The following DNAJC10 variants were observed in gnomAD, a reference collection of about 807,000 sequenced individuals.
DNAJC10 encodes endoplasmic reticulum disulfide reductase DNAJC10.
Under a neutral mutation model 115.0 loss-of-function variants are expected in DNAJC10, and 101 were observed. The observed-to-expected ratio is 0.88, with a 90% CI of 0.75 to 1.04. The LOEUF is 1.04. Among genes scored for constraint, DNAJC10 ranks in the 50% least tolerant of loss-of-function variants. The pLI, the probability that DNAJC10 is intolerant of heterozygous loss-of-function variation, is 0.00. For missense variants in DNAJC10, 981 were observed against 928.8 expected, an observed-to-expected ratio of 1.06 and a Z score of -0.73; for synonymous variants, 307 against 301.5, an observed-to-expected ratio of 1.02 and a Z score of -0.19.
chr2:182,777,619 C>G lies in DNAJC10; in HGVS notation c.*487C>G, dbSNP rs1694742855. On this transcript the variant is annotated 3_prime_UTR_variant, in exon 24 of 24. Transcript: ENST00000264065. Reference sequence around the variant, plus strand: ...CTTTCCCTTCACGTTTTTTGGCTGACCTGAAAAGAGGTAACTTAGTTTTTG... The same window carrying G: ...CTTTCCCTTCACGTTTTTTGGCTGAGCTGAAAAGAGGTAACTTAGTTTTTG... 3 of 152,104 alleles carry G rather than the reference C, an allele frequency of 2.0e-5. No individual in the cohort carries two copies. The allele number at this position is 152,104 out of a possible 1,614,324, so 9.4% of individuals were successfully genotyped here. A position where few individuals can be genotyped will look rare whatever the true frequency, so the allele number is the denominator to read the frequency against.
rs1219651175 is a variant in DNAJC10, at chr2:182,717,068, C to A, written c.-151C>A. ...TATTAGAAATGAGCTGAAGACCATT[C>A]ACAGGTAAAGAGAAAAATTTTTAAA... On this transcript the variant is annotated 5_prime_UTR_variant, in exon 2 of 24. Transcript: ENST00000264065. 6.6e-6 allele frequency: 1 copy of A among 152,116 alleles called. No homozygotes were observed. Among genetic ancestry groups the A allele is most frequent in the East Asian group, 1.9e-4 (1 of 5,196 alleles). The allele number at this position is 152,116 out of a possible 1,614,324, so 9.4% of individuals were successfully genotyped here.
intron 23 of DNAJC10, 122 bp downstream of exon 23, chr2:182,775,542 G>A: frequency 1.7e-6 from 1 of 582,846 alleles, no homozygotes; most frequent in Non-Finnish European, 3.1e-6. Context: ...TAGTAAGATA[G>A]CTGAAAATTC....
chr2:182,729,118 A>C, intron 7 of DNAJC10, 124 bp downstream of exon 7: 24 of 959,944 alleles, frequency 2.5e-5, no homozygotes, highest in Non-Finnish European at 2.9e-5. Context: ...GTGCCATCTC[A>C]CTAGTCTTCT....
intron 5 of DNAJC10, among the ~76,000 whole-genome samples, chr2:182,723,252 G>T (rs1002875828): frequency 1.2e-4 from 18 of 152,026 alleles, no homozygotes; most frequent in Admixed American, 7.2e-4. Context: ...CACCATGTTG[G>T]CCAGGCTGAT....
At chr2:182,736,823 C>T (rs1019891912) in intron 11 of DNAJC10, among the ~76,000 whole-genome samples, 3 of 152,224 alleles carry the variant, frequency 2.0e-5, no homozygotes, top group East Asian at 1.9e-4. Flanking sequence ...GATCTCGGCT[C>T]GGTGCAACCT....
intron 10 of DNAJC10, among the ~76,000 whole-genome samples, chr2:182,734,437 A>G (rs1354622949): frequency 3.3e-5 from 5 of 151,744 alleles, no homozygotes; most frequent in Non-Finnish European, 5.9e-5. Flanking sequence ...ACTGTGGATA[A>G]TGAACATGGA....
intron 2 of DNAJC10, among the ~76,000 whole-genome samples, chr2:182,717,731 C>T (rs903785772): frequency 1.3e-5 from 2 of 152,174 alleles, no homozygotes; most frequent in African/African-American, 4.8e-5. Flanking sequence ...AAGCTACTTA[C>T]TACCACTCAT....
intron 10 of DNAJC10, among the ~76,000 whole-genome samples, chr2:182,733,907 A>T (rs1291714830): frequency 6.6e-6 from 1 of 151,544 alleles, no homozygotes; most frequent in African/African-American, 2.4e-5. Flanking sequence ...ATGTATTGCT[A>T]TAAAATTGTA....
chr2:182,726,637 A>G (rs565263660), intron 5 of DNAJC10, among the ~76,000 whole-genome samples: 10 of 152,122 alleles, frequency 6.6e-5, no homozygotes, highest in Non-Finnish European at 1.2e-4. Flanking sequence ...AGCCACCCCA[A>G]CCTTACACAA....
intron 14 of DNAJC10, 32 bp from the exon 15 acceptor site, chr2:182,751,626 T>C (rs1459996512): frequency 1.2e-5 from 20 of 1,601,962 alleles, no homozygotes; most frequent in Non-Finnish European, 1.6e-5. Context: ...AAGCAGAATT[T>C]GGATTTGAAT....
chr2:182,743,511 C>A, intron 13 of DNAJC10, 87 bp from the exon 14 acceptor site: 1 of 876,442 alleles, frequency 1.1e-6, no homozygotes, highest in Non-Finnish European at 1.9e-6. Context: ...GTCATTAGGG[C>A]AGTGCCATTT....
chr2:182,751,786 G>T lies in DNAJC10; in HGVS notation c.1434+1G>T, dbSNP rs746694570. The T allele has an allele frequency of 1.8e-5, 29 of 1,610,998 alleles. No homozygotes were observed. Among genetic ancestry groups the T allele is most frequent in the Non-Finnish European group, 2.4e-5 (28 of 1,179,408 alleles). ...ATGGCTTGTTGATTTCTTTGCCCCC[G>T]TAAGTTATTTTTATCTGTCAGATTC... On this transcript the variant is annotated splice_donor_variant, in intron 15 of 23. Coordinates refer to ENST00000264065, the MANE Select transcript of DNAJC10 (RefSeq NM_018981.4). LOFTEE classifies it high-confidence loss of function.
Position 182,787,804 on chromosome 2 carries a change from C to G in DNAJC10, c.*10672C>G, listed in dbSNP as rs931473346. On this transcript the variant is annotated 3_prime_UTR_variant, in exon 24 of 24. Coordinates refer to ENST00000264065, the MANE Select transcript of DNAJC10 (RefSeq NM_018981.4). ...GGCGTGGTAGGGTATGCCTGTAGTC[C>G]CAGCTACTTGGGAGGCTGAGGTGGG... The G allele has an allele frequency of 2.0e-5, 3 of 152,332 alleles. No individual in the cohort carries two copies. Among genetic ancestry groups the G allele is most frequent in the African/African-American group, 7.3e-5 (3 of 41,346 alleles). 9.4% of individuals were successfully genotyped at this position (152,332 alleles called of 1,614,324 possible).
chr2:182,732,438 C>A, intron 9 of DNAJC10, 61 bp from the exon 10 acceptor site: 1 of 1,516,126 alleles, frequency 6.6e-7, no homozygotes, highest in Non-Finnish European at 9.2e-7. Context: ...AAGGCAAATG[C>A]AAGTATTTTC....
intron 13 of DNAJC10, among the ~76,000 whole-genome samples, chr2:182,742,115 CTT>C (rs1256796583): frequency 6.6e-6 from 1 of 152,162 alleles, no homozygotes; most frequent in Non-Finnish European, 1.5e-5. Flanking sequence ...GAAATCCTCT[CTT>C]ACTGATTTTA....
In DNAJC10 at chr2:182,785,666, A is replaced by G. The variant is rs993349345; in HGVS notation, c.*8534A>G. 14 of 152,182 alleles carry G rather than the reference A, an allele frequency of 9.2e-5. No individual in the cohort carries two copies. The highest frequency in any genetic ancestry group is 3.4e-4 in the African/African-American group (14 of 41,456). The allele number at this position is 152,182 out of a possible 1,614,324, so 9.4% of individuals were successfully genotyped here. A position where few individuals can be genotyped will look rare whatever the true frequency, so the allele number is the denominator to read the frequency against. ...TGAAAAAGACAGAGAAAGGTATCGT[A>G]TAGCTTAAAAGGAAAAAGAAAAAGA... On this transcript the variant is annotated 3_prime_UTR_variant, in exon 24 of 24. Coordinates refer to ENST00000264065, the MANE Select transcript of DNAJC10 (RefSeq NM_018981.4).
Position 182,783,726 on chromosome 2 carries a change from ATAT to A in DNAJC10, c.*6596_*6598del. Reference sequence around the variant, plus strand: ...TTAATGATTTTAAACATGTTTATATATATTTTTCAGACTTGGAACAGCAGTATC... The same window carrying A: ...TTAATGATTTTAAACATGTTTATATATTTTCAGACTTGGAACAGCAGTATC... On this transcript the variant is annotated 3_prime_UTR_variant, in exon 24 of 24. Coordinates refer to ENST00000264065, the MANE Select transcript of DNAJC10 (RefSeq NM_018981.4). The A allele has an allele frequency of 6.6e-6, 1 of 152,250 alleles. No individual in the cohort carries two copies. The highest frequency in any genetic ancestry group is 2.1e-4 in the South Asian group (1 of 4,826). The allele number at this position is 152,250 out of a possible 1,614,324, so 9.4% of individuals were successfully genotyped here. A position where few individuals can be genotyped will look rare whatever the true frequency, so the allele number is the denominator to read the frequency against.
At chr2:182,769,534 G>A (rs1694505299) in intron 22 of DNAJC10, among the ~76,000 whole-genome samples, 1 of 152,150 alleles carries the variant, frequency 6.6e-6, no homozygotes, top group Non-Finnish European at 1.5e-5. Flanking sequence ...GGTGTGAGAT[G>A]GTATCTCATT....
At chr2:182,732,755 T>C (rs1693484321) in intron 10 of DNAJC10, 1 of 547,028 alleles carries the variant, frequency 1.8e-6, no homozygotes, top group Non-Finnish European at 3.2e-6. Flanking sequence ...TAAGTGTCAT[T>C]TACTTTGTAA....
Sources: allele counts gnomAD v4.1 joint callset (sites outside exome capture counted in the v4.1 genomes callset), GRCh38; gene constraint gnomAD v4.1.1; transcripts MANE v1.5; gene names NCBI Gene and HGNC (gene_info 2026-07-23, HGNC 2026-07-21).